Variants in ERBB4 observed in about 807,000 individuals in gnomAD.
ERBB4 encodes the protein receptor tyrosine-protein kinase erbB-4.
A neutral mutation model predicts 158.0 loss-of-function variants in ERBB4; 42 were observed. The ratio of observed to expected loss-of-function variants is 0.27; its 90% confidence interval spans 0.21 to 0.34. The LOEUF is 0.34. Ranked by LOEUF, ERBB4 falls within the 10% of genes least tolerant of loss-of-function variation. ERBB4 has a pLI of 1.00. For synonymous variants in ERBB4, 583 were observed against 558.7 expected, an observed-to-expected ratio of 1.04 and a Z score of -0.61; for missense variants, 1,333 against 1,624.1, an observed-to-expected ratio of 0.82 and a Z score of 3.08.
At chr2:211,705,191 A>T (rs1343236063) in intron 10 of ERBB4, 127 bp downstream of exon 10, 3 of 725,028 alleles carry the variant, frequency 4.1e-6, no homozygotes, top group Non-Finnish European at 7.6e-6. Context: ...TGACCTCATG[A>T]TCCACCCGCC....
chr2:212,286,097 C>T (rs538868562), intron 1 of ERBB4, among the ~76,000 whole-genome samples: 50 of 152,140 alleles, frequency 3.3e-4, no homozygotes, highest in Non-Finnish European at 5.9e-4. Flanking sequence ...CTCATAATCA[C>T]TTCAAATCTT....
At chr2:212,205,301 C>CA (rs1207735704) in intron 1 of ERBB4, among the ~76,000 whole-genome samples, 2 of 152,186 alleles carry the variant, frequency 1.3e-5, no homozygotes, top group Non-Finnish European at 2.9e-5. Flanking sequence ...GCTAGGATTG[C>CA]AGGTGCGTGC....
intron 20 of ERBB4, among the ~76,000 whole-genome samples, chr2:211,465,821 G>C (rs942536737): frequency 2.6e-5 from 4 of 152,034 alleles, no homozygotes; most frequent in Admixed American, 2.6e-4. Flanking sequence ...GGAGTCTATT[G>C]TTCATGATTA....
Position 211,382,168 on chromosome 2 carries a change from T to G in ERBB4, c.*1447A>C, listed in dbSNP as rs2062584006. The G allele has an allele frequency of 4.3e-6, 1 of 231,284 alleles. No individual in the cohort carries two copies. The highest frequency in any genetic ancestry group is 5.6e-5 in the Admixed American group (1 of 17,734). The allele number at this position is 231,284 out of a possible 1,614,324, so 14.3% of individuals were successfully genotyped here. ...GCTTTGAATGTTTGTGTTTTTCTTT[T>G]TATTATACCAATTTATGTGCAAAGA... On this transcript the variant is annotated 3_prime_UTR_variant, in exon 28 of 28. Coordinates refer to ENST00000342788, the MANE Select transcript of ERBB4 (RefSeq NM_005235.3).
intron 3 of ERBB4, among the ~76,000 whole-genome samples, chr2:211,878,768 C>T (rs1271155516): frequency 1.3e-5 from 2 of 149,678 alleles, no homozygotes; most frequent in South Asian, 2.1e-4. Context: ...AGTGATTCTC[C>T]TGCCTCAGCC....
chr2:212,519,930 C>A (rs56387110), intron 1 of ERBB4, among the ~76,000 whole-genome samples: 24,055 of 151,720 alleles, frequency 0.16, 2,407 homozygotes, highest in Non-Finnish European at 0.23. Context: ...ATTCACAATT[C>A]AAGAAAATGA....
chr2:212,200,572 G>C (rs760827205), intron 1 of ERBB4, among the ~76,000 whole-genome samples: 11 of 152,220 alleles, frequency 7.2e-5, no homozygotes, highest in South Asian at 6.2e-4. Context: ...TAAAAAGCTT[G>C]GAACACTGTA....
intron 1 of ERBB4, among the ~76,000 whole-genome samples, chr2:212,335,932 T>G (rs1434321492): frequency 2.6e-5 from 4 of 152,114 alleles, no homozygotes; most frequent in South Asian, 2.1e-4. Context: ...GTATCCCTAA[T>G]TCAAGTCTAC....
At chr2:212,391,761 T>A in intron 1 of ERBB4, among the ~76,000 whole-genome samples, 1 of 143,506 alleles carries the variant, frequency 7.0e-6, no homozygotes, top group South Asian at 2.1e-4. Flanking sequence ...AATATTGACA[T>A]ATATTATATA....
chr2:211,455,790 G>A (rs1410563303), intron 20 of ERBB4, among the ~76,000 whole-genome samples: 3 of 152,142 alleles, frequency 2.0e-5, no homozygotes, highest in Admixed American at 1.3e-4. Context: ...AGTTTCAAGA[G>A]AGAGCTTCTT....
intron 3 of ERBB4, among the ~76,000 whole-genome samples, chr2:211,877,750 A>C (rs905306578): frequency 6.6e-6 from 1 of 152,220 alleles, no homozygotes; most frequent in African/African-American, 2.4e-5. Context: ...TTTGGGTTTA[A>C]GAAATAATAG....
intron 20 of ERBB4, among the ~76,000 whole-genome samples, chr2:211,513,377 C>CAAAAAAA (rs1167274491): frequency 1.8e-5 from 1 of 55,746 alleles, no homozygotes; most frequent in African/African-American, 5.0e-5. Context: ...AAAAAAAAAA[C>CAAAAAAA]AAAAAAAAAA....
intron 1 of ERBB4, among the ~76,000 whole-genome samples, chr2:212,248,920 C>T (rs888334427): frequency 1.3e-5 from 2 of 152,086 alleles, no homozygotes; most frequent in Non-Finnish European, 2.9e-5. Context: ...TCTATTTTCT[C>T]CTGAATCTTT....
At chr2:211,658,995 G>A (rs1423105236) in intron 15 of ERBB4, among the ~76,000 whole-genome samples, 1 of 151,940 alleles carries the variant, frequency 6.6e-6, no homozygotes, top group Admixed American at 6.6e-5. Flanking sequence ...TATTTCGCTG[G>A]TAATAAAGAT....
At chr2:212,020,238 C>T (rs544620076) in intron 2 of ERBB4, among the ~76,000 whole-genome samples, 1 of 152,094 alleles carries the variant, frequency 6.6e-6, no homozygotes, top group African/African-American at 2.4e-5. Context: ...GAAGATCAAA[C>T]TACTTAACAA....
At chr2:211,892,522 A>G (rs2078995107) in intron 3 of ERBB4, among the ~76,000 whole-genome samples, 1 of 139,574 alleles carries the variant, frequency 7.2e-6, no homozygotes, top group Non-Finnish European at 1.5e-5. Context: ...CTCTCTCACC[A>G]CTCCAATTCA....
intron 3 of ERBB4, among the ~76,000 whole-genome samples, chr2:211,930,577 T>A (rs181435791): frequency 2.5e-3 from 384 of 152,280 alleles, no homozygotes; most frequent in Non-Finnish European, 4.3e-3. Context: ...TTGCTTCACT[T>A]CTTTTTAACA....
At chr2:212,025,392 T>G (rs2076750236) in intron 2 of ERBB4, among the ~76,000 whole-genome samples, 1 of 151,970 alleles carries the variant, frequency 6.6e-6, no homozygotes, top group Admixed American at 6.6e-5. Context: ...TCAATAGTTG[T>G]ACTTTGTATG....
intron 1 of ERBB4, among the ~76,000 whole-genome samples, chr2:212,222,505 G>A (rs541663826): frequency 2.6e-5 from 4 of 151,450 alleles, no homozygotes; most frequent in South Asian, 2.1e-4. Context: ...CAAACCTAAC[G>A]GAAACTTTTC....
Sources: allele counts gnomAD v4.1 joint callset (sites outside exome capture counted in the v4.1 genomes callset), GRCh38; gene constraint gnomAD v4.1.1; transcripts MANE v1.5; gene names NCBI Gene and HGNC (gene_info 2026-07-23, HGNC 2026-07-21).